KIAA1217: variants seen among roughly 807,000 people sequenced by gnomAD.
KIAA1217 encodes sickle tail protein homolog.
Under a neutral mutation model 163.9 loss-of-function variants are expected in KIAA1217, and 88 were observed. That is an observed-to-expected ratio of 0.54 (90% CI 0.45 to 0.64). The LOEUF (loss-of-function observed/expected upper bound fraction) is 0.64. Among genes scored for constraint, KIAA1217 ranks in the 30% least tolerant of loss-of-function variants. The pLI, the probability that KIAA1217 is intolerant of heterozygous loss-of-function variation, is 0.00. For missense variants in KIAA1217, 2,372 were observed against 2,475.0 expected, an observed-to-expected ratio of 0.96 and a Z score of 0.88; for synonymous variants, 903 against 923.1, an observed-to-expected ratio of 0.98 and a Z score of 0.39.
At chr10:24,173,637 C>T (rs1166268475) in intron 2 of KIAA1217, among the ~76,000 whole-genome samples, 1 of 152,124 alleles carries the variant, frequency 6.6e-6, no homozygotes, top group Non-Finnish European at 1.5e-5. Context: ...GATGGTTCAA[C>T]TTTATATATT....
chr10:24,026,186 G>A (rs1349743724), intron 2 of KIAA1217, among the ~76,000 whole-genome samples: 3 of 151,772 alleles, frequency 2.0e-5, no homozygotes, highest in African/African-American at 7.2e-5. Context: ...TTTTCTTAGA[G>A]ACTTTTACAT....
At chr10:24,264,808 T>TCA (rs2076075234) in intron 2 of KIAA1217, among the ~76,000 whole-genome samples, 1 of 151,208 alleles carries the variant, frequency 6.6e-6, no homozygotes, top group African/African-American at 2.4e-5. Flanking sequence ...TCTCTCATTC[T>TCA]CTCTTTCTCT....
At chr10:23,749,686 T>C (rs1839630737) in intron 1 of KIAA1217, among the ~76,000 whole-genome samples, 1 of 152,234 alleles carries the variant, frequency 6.6e-6, no homozygotes, top group Non-Finnish European at 1.5e-5. Flanking sequence ...ATTATAGGCG[T>C]GAGCCACCTC....
At chr10:24,105,658 G>A (rs2062597567) in intron 2 of KIAA1217, among the ~76,000 whole-genome samples, 1 of 152,230 alleles carries the variant, frequency 6.6e-6, no homozygotes, top group Non-Finnish European at 1.5e-5. Context: ...CTGTGAGGTT[G>A]CATTCCTTCT....
chr10:23,909,342 T>C (rs1316674502), intron 1 of KIAA1217, among the ~76,000 whole-genome samples: 1 of 151,458 alleles, frequency 6.6e-6, no homozygotes, highest in Non-Finnish European at 1.5e-5. Context: ...TGTTCCCCAA[T>C]AACCATTGGA....
intron 2 of KIAA1217, among the ~76,000 whole-genome samples, chr10:24,150,250 C>T (rs1228062661): frequency 6.6e-6 from 1 of 152,144 alleles, no homozygotes; most frequent in Non-Finnish European, 1.5e-5. Context: ...CTCCTGACTT[C>T]ATGATCCACC....
At chr10:24,091,066 C>T (rs2061920659) in intron 2 of KIAA1217, among the ~76,000 whole-genome samples, 1 of 151,930 alleles carries the variant, frequency 6.6e-6, no homozygotes, top group African/African-American at 2.4e-5. Flanking sequence ...GAGATTACCA[C>T]AGTAAGTACT....
intron 2 of KIAA1217, among the ~76,000 whole-genome samples, chr10:24,128,297 G>A (rs909736352): frequency 5.3e-5 from 8 of 152,138 alleles, no homozygotes; most frequent in Non-Finnish European, 7.4e-5. Context: ...CCTCATGGTT[G>A]CAGGAGGAGG....
chr10:24,515,363 C>T (rs7898302), intron 10 of KIAA1217, among the ~76,000 whole-genome samples: 45,204 of 151,948 alleles, frequency 0.3, 7,009 homozygotes, highest in Middle Eastern at 0.4. Context: ...CCACCACGCC[C>T]GGCCAGTAAA....
Position 24,513,283 on chromosome 10 carries a change from G to A in KIAA1217, c.2026G>A (p.Ala676Thr), listed in dbSNP as rs1434182438. 1.9e-6 allele frequency: 3 copies of A among 1,614,154 alleles called. No individual in the cohort carries two copies. The South Asian group carries it at 3.3e-5, about 18-fold the overall frequency. Residue 676 changes from alanine (A) to threonine (T), a missense_variant, in exon 10 of 21, where the codon GCA becomes ACA. Transcript: ENST00000376454. The stretch of plus-strand genomic sequence containing the variant: ...GCTGCAGAACCAGGAGTTGCTGAGG[G>A]CAATGATGAAGAAGGCCGAGCTGGA... ...LQLQNQELLR[A>T]MMKKAELEIS...
intron 9 of KIAA1217, among the ~76,000 whole-genome samples, chr10:24,505,063 G>A (rs571974398): frequency 1.3e-5 from 2 of 152,146 alleles, no homozygotes; most frequent in East Asian, 1.9e-4. Flanking sequence ...GGCACGGACT[G>A]GAGGCTAGGC....
chr10:23,816,135 C>T (rs372794458), intron 1 of KIAA1217, among the ~76,000 whole-genome samples: 47 of 152,296 alleles, frequency 3.1e-4, no homozygotes, highest in African/African-American at 1.0e-3. Context: ...ATTTGCGTTA[C>T]CTTGAGCTGT....
chr10:23,784,249 G>A (rs1171678893), intron 1 of KIAA1217, among the ~76,000 whole-genome samples: 1 of 151,976 alleles, frequency 6.6e-6, no homozygotes, highest in Non-Finnish European at 1.5e-5. Flanking sequence ...TATAAATATA[G>A]CCACCAGTAT....
intron 1 of KIAA1217, among the ~76,000 whole-genome samples, chr10:23,736,802 A>G (rs1838833240): frequency 6.6e-6 from 1 of 152,172 alleles, no homozygotes; most frequent in African/African-American, 2.4e-5. Flanking sequence ...CTGAGATTAC[A>G]GGCATGGGCC....
At chr10:23,817,967 A>ATG (rs1391188832) in intron 1 of KIAA1217, among the ~76,000 whole-genome samples, 3 of 13,042 alleles carry the variant, frequency 2.3e-4, no homozygotes, top group Non-Finnish European at 3.1e-4. Context: ...TGGCACATAT[A>ATG]TATATATATA....
intron 2 of KIAA1217, chr10:24,158,636 C>T: frequency 2.0e-6 from 1 of 510,838 alleles, no homozygotes; most frequent in African/African-American, 1.9e-5. Flanking sequence ...CCAATCAAAA[C>T]TTTAGGTACA....
At chr10:24,054,700 A>G (rs1251308669) in intron 2 of KIAA1217, among the ~76,000 whole-genome samples, 1 of 152,196 alleles carries the variant, frequency 6.6e-6, no homozygotes, top group Non-Finnish European at 1.5e-5. Context: ...CAAACATCAT[A>G]GAGTATACTT....
At chr10:24,365,742 A>G (rs1424810827) in intron 2 of KIAA1217, among the ~76,000 whole-genome samples, 2 of 152,074 alleles carry the variant, frequency 1.3e-5, no homozygotes, top group African/African-American at 4.8e-5. Flanking sequence ...CATCTTGGGT[A>G]GAATATTTTA....
intron 2 of KIAA1217, among the ~76,000 whole-genome samples, chr10:24,024,165 T>C (rs2131520994): frequency 6.6e-6 from 1 of 151,828 alleles, no homozygotes; most frequent in African/African-American, 2.4e-5. Context: ...ATATTAATAA[T>C]AAATTCACAA....
Sources: allele counts gnomAD v4.1 joint callset (sites outside exome capture counted in the v4.1 genomes callset), GRCh38; gene constraint gnomAD v4.1.1; transcripts MANE v1.5; gene names NCBI Gene and HGNC (gene_info 2026-07-23, HGNC 2026-07-21).